Variants in CDC73 observed in about 807,000 individuals in gnomAD.
CDC73 encodes parafibromin.
A neutral mutation model predicts 83.7 loss-of-function variants in CDC73; 21 were observed. The observed-to-expected ratio is 0.25, with a 90% CI of 0.18 to 0.36. The LOEUF (loss-of-function observed/expected upper bound fraction) is 0.36, where lower values mean the gene tolerates loss of function less well. Ranked by LOEUF, CDC73 falls within the 10% of genes least tolerant of loss-of-function variation. CDC73 has a pLI of 1.00. For synonymous variants in CDC73, 224 were observed against 212.9 expected, an observed-to-expected ratio of 1.05 and a Z score of -0.45; for missense variants, 342 against 653.3, an observed-to-expected ratio of 0.52 and a Z score of 5.19.
At chr1:193,143,966 G>A (rs1246031158) in intron 7 of CDC73, among the ~76,000 whole-genome samples, 1 of 151,712 alleles carries the variant, frequency 6.6e-6, no homozygotes, top group African/African-American at 2.4e-5. Flanking sequence ...AAAAATTAGT[G>A]GGGCATGGTG....
chr1:193,201,026 T>G (rs1416743381), intron 10 of CDC73, among the ~76,000 whole-genome samples: 1 of 152,200 alleles, frequency 6.6e-6, no homozygotes, highest in East Asian at 1.9e-4. Flanking sequence ...GAAGGTCATA[T>G]TCTACTGTTT....
At chr1:193,151,903 A>T (rs1676119737) in intron 9 of CDC73, among the ~76,000 whole-genome samples, 1 of 152,178 alleles carries the variant, frequency 6.6e-6, no homozygotes, top group Admixed American at 6.5e-5. Context: ...ACTGTACTCC[A>T]GCCTAGGTGA....
At chr1:193,138,305 T>G (rs1266632787) in intron 6 of CDC73, 132 bp downstream of exon 6, 34 of 719,548 alleles carry the variant, frequency 4.7e-5, no homozygotes, top group Non-Finnish European at 8.1e-5. Flanking sequence ...GCTCTTAAGT[T>G]CGTAAGAACA....
At chr1:193,203,690 A>T (rs1300827410) in intron 10 of CDC73, 105 bp from the exon 11 acceptor site, 9 of 961,180 alleles carry the variant, frequency 9.4e-6, no homozygotes, top group Non-Finnish European at 1.5e-5. Flanking sequence ...TGAGTGAGAA[A>T]AACAGAACAA....
At chr1:193,220,123 T>C (rs1677440487) in intron 13 of CDC73, among the ~76,000 whole-genome samples, 1 of 151,514 alleles carries the variant, frequency 6.6e-6, no homozygotes, top group Admixed American at 6.6e-5. Context: ...ATGTGAATGC[T>C]CTGGCTTCTT....
At chr1:193,146,797 A>G (rs770858542) in intron 7 of CDC73, among the ~76,000 whole-genome samples, 1 of 152,214 alleles carries the variant, frequency 6.6e-6, no homozygotes, top group African/African-American at 2.4e-5. Context: ...ATGTAATTGC[A>G]TTGTGAGTTG....
intron 10 of CDC73, among the ~76,000 whole-genome samples, chr1:193,182,741 T>C (rs1310475906): frequency 6.6e-6 from 1 of 152,118 alleles, no homozygotes; most frequent in Admixed American, 6.6e-5. Flanking sequence ...CACAGATTTG[T>C]TCACATTTGT....
intron 11 of CDC73, among the ~76,000 whole-genome samples, chr1:193,205,529 T>G (rs960572092): frequency 2.0e-5 from 3 of 152,128 alleles, no homozygotes; most frequent in African/African-American, 7.2e-5. Flanking sequence ...TTTTTTGTTT[T>G]TGTTTTTTGT....
chr1:193,204,544 C>T (rs1462348579), intron 11 of CDC73, among the ~76,000 whole-genome samples: 1 of 152,020 alleles, frequency 6.6e-6, no homozygotes, highest in African/African-American at 2.4e-5. Flanking sequence ...CCGCCTCGGC[C>T]TCCCAAAGTG....
chr1:193,163,151 TTGTGTGTGTG>T (rs57194967), intron 10 of CDC73, among the ~76,000 whole-genome samples: 2 of 39,826 alleles, frequency 5.0e-5, no homozygotes, highest in Non-Finnish European at 1.1e-4. Flanking sequence ...CTTTGTGGGG[TTGTGTGTGTG>T]TGTGTGTGTG....
intron 10 of CDC73, chr1:193,181,657 G>T: frequency 8.7e-7 from 1 of 1,147,334 alleles, no homozygotes; most frequent in Non-Finnish European, 1.2e-6. Flanking sequence ...TTCTAATTCA[G>T]TCACATTGTC....
chr1:193,161,663 A>C (rs1168858033), intron 10 of CDC73, among the ~76,000 whole-genome samples: 535 of 42,636 alleles, frequency 0.013, 138 homozygotes, highest in African/African-American at 0.056. Flanking sequence ...AATATATTAT[A>C]TATCTATCAT....
chr1:193,198,483 A>G (rs1249212697), intron 10 of CDC73, among the ~76,000 whole-genome samples: 1 of 152,234 alleles, frequency 6.6e-6, no homozygotes, highest in Non-Finnish European at 1.5e-5. Context: ...ATAAGACATC[A>G]TTTTGGAAGC....
chr1:193,141,000 A>G (rs981684641), intron 6 of CDC73: 2 of 152,220 alleles, frequency 1.3e-5, no homozygotes, highest in Non-Finnish European at 2.9e-5. Flanking sequence ...CTTCATACCT[A>G]ATCTGAATAA....
In CDC73 at chr1:193,251,241, A is replaced by G; in HGVS notation, c.*529A>G. 8.6e-6 allele frequency: 2 copies of G among 232,666 alleles called. No individual in the cohort carries two copies. Among genetic ancestry groups the G allele is most frequent in the Non-Finnish European group, 1.7e-5 (2 of 117,448 alleles). 14.4% of individuals were successfully genotyped at this position (232,666 alleles called of 1,614,324 possible). ...ATTTAAAAAGAATAATGAAAAATCT[A>G]GATCAATTCTTCAATTTGATTGAAC... On this transcript the variant is annotated 3_prime_UTR_variant, in exon 17 of 17. Coordinates refer to ENST00000367435, the MANE Select transcript of CDC73 (RefSeq NM_024529.5).
chr1:193,162,608 A>G (rs1174333636), intron 10 of CDC73, among the ~76,000 whole-genome samples: 2 of 151,936 alleles, frequency 1.3e-5, no homozygotes, highest in Admixed American at 1.3e-4. Context: ...ACCTCAAGTA[A>G]TCTGCCCACC....
At chr1:193,136,496 TA>T in intron 5 of CDC73, 1 of 288,592 alleles carries the variant, frequency 3.5e-6, no homozygotes, top group Non-Finnish European at 8.2e-6. Flanking sequence ...TTAACTCATG[TA>T]ATCGTATTTG....
intron 3 of CDC73, 61 bp downstream of exon 3, chr1:193,130,304 A>C (rs1183861661): frequency 2.0e-6 from 2 of 1,022,686 alleles, no homozygotes; most frequent in Non-Finnish European, 3.1e-6. Context: ...TTCCCCTATG[A>C]AATAATGATT....
At chr1:193,248,937 A>C (rs997340909) in intron 15 of CDC73, among the ~76,000 whole-genome samples, 13 of 152,114 alleles carry the variant, frequency 8.5e-5, no homozygotes, top group African/African-American at 2.9e-4. Flanking sequence ...AAATGACAAC[A>C]AAGGATTTAG....
Sources: allele counts gnomAD v4.1 joint callset (sites outside exome capture counted in the v4.1 genomes callset), GRCh38; gene constraint gnomAD v4.1.1; transcripts MANE v1.5; gene names NCBI Gene and HGNC (gene_info 2026-07-23, HGNC 2026-07-21).